The following INCENP variants were observed in gnomAD, a reference collection of about 807,000 sequenced individuals.
The protein encoded by INCENP is inner centromere protein.
Under a neutral mutation model 107.3 loss-of-function variants are expected in INCENP, and 43 were observed. The ratio of observed to expected loss-of-function variants is 0.40; its 90% CI spans 0.31 to 0.52. INCENP has a LOEUF of 0.52. Ranked by LOEUF, INCENP falls within the 20% of genes least tolerant of loss-of-function variation. The probability of loss-of-function intolerance (pLI) is 0.53; values close to 1 mark genes in which losing one functional copy is unlikely to be tolerated. For missense variants in INCENP, 1,089 were observed against 1,250.9 expected (o/e 0.87, Z 1.95); for synonymous variants, 488 against 494.4 (o/e 0.99, Z 0.17).
intron 18 of INCENP, 77 bp downstream of exon 18, chr11:62,150,284 T>C: frequency 6.6e-7 from 1 of 1,511,102 alleles, no homozygotes; most frequent in African/African-American, 1.4e-5. Context: ...AAGTAGTGGG[T>C]TGGCTGCTGC....
rs1944206712 is a variant in INCENP, at chr11:62,144,982, G to A, written c.1606G>A (p.Glu536Lys). Residue 536 changes from glutamate (E) to lysine (K), a missense_variant and splice_region_variant, in exon 12 of 19, where the codon GAG (glutamate) becomes AAG (lysine). Coordinates refer to ENST00000394818, the MANE Select transcript of INCENP (RefSeq NM_001040694.2). ...TCTCCCTCGCTCCCCGCCACCCCAGGAGAAGGAGCGGCAGCGCCTGGAGAA... is the reference window on the plus strand; with the variant it reads ...TCTCCCTCGCTCCCCGCCACCCCAGAAGAAGGAGCGGCAGCGCCTGGAGAA... ...LRMDPKCSFV[E>K]KERQRLENLR... 6.3e-7 allele frequency: 1 copy of A among 1,594,322 alleles called. No homozygotes were observed. Among genetic ancestry groups the A allele is most frequent in the Admixed American group, 1.8e-5 (1 of 54,230 alleles).
rs1229175211 is a variant in INCENP at position 62,128,288 on chromosome 11, C to T, written c.127C>T (p.Arg43Cys). The T allele has an allele frequency of 2.5e-6, 4 of 1,613,916 alleles. No homozygotes were observed. The highest frequency in any genetic ancestry group is 3.3e-5 in the Admixed American group (2 of 60,002). ...WLEEIQEEAERMFTREFSKEP... is the reference protein window; with the variant it reads ...WLEEIQEEAECMFTREFSKEP... The stretch of plus-strand genomic sequence containing the variant: ...TGAGGAAATCCAAGAGGAGGCCGAG[C>T]GCATGTTCACCAGGTGAAGACGGGC... Residue 43 changes from arginine to cysteine, a missense_variant, in exon 2 of 19, where the codon CGC (arginine) becomes TGC (cysteine). Physicochemically the swap from Arg to Cys is radical, Grantham distance 180. Transcript: ENST00000394818.
intron 14 of INCENP, among the ~76,000 whole-genome samples, chr11:62,146,414 G>A (rs1188472872): frequency 2.0e-5 from 3 of 152,240 alleles, no homozygotes; most frequent in African/African-American, 7.2e-5. Context: ...CATAGCTAGC[G>A]AGTTTGGCTC....
intron 4 of INCENP, among the ~76,000 whole-genome samples, chr11:62,131,532 A>G (rs558676006): frequency 3.0e-4 from 46 of 152,280 alleles, no homozygotes; most frequent in African/African-American, 7.7e-4. Context: ...TGGAAAAAAA[A>G]TGCGGGGATA....
At chr11:62,145,395 T>C in intron 13 of INCENP, 106 bp downstream of exon 13, 2 of 1,509,554 alleles carry the variant, frequency 1.3e-6, no homozygotes, top group Admixed American at 2.0e-5. Flanking sequence ...CCTGTACCCA[T>C]CTCCTGTCTG....
In INCENP at chr11:62,140,134, GC is replaced by G; in HGVS notation, c.1292-98del. ...TGCCAGGAAGGGAGCCTTGCCCACT[GC>G]CAAGGCTGCTGCCCAAGGACCCCTT... is the stretch of plus-strand genomic sequence containing the variant. On this transcript the variant is annotated intron_variant, in intron 7 of 18. Coordinates refer to ENST00000394818, the MANE Select transcript of INCENP (RefSeq NM_001040694.2). 3.9e-6 allele frequency: 4 copies of G among 1,018,402 alleles called. No homozygotes were observed. In the South Asian group the frequency reaches 4.0e-5, roughly 10 times the overall value. 63.1% of individuals were successfully genotyped at this position (1,018,402 alleles called of 1,614,324 possible).
At chr11:62,127,875 G>A (rs1294102306) in intron 1 of INCENP, among the ~76,000 whole-genome samples, 1 of 152,132 alleles carries the variant, frequency 6.6e-6, no homozygotes, top group Non-Finnish European at 1.5e-5. Context: ...GTTGGGAACT[G>A]TGGACTTATG....
In INCENP at chr11:62,130,118, C is replaced by A. The variant is rs145922935; in HGVS notation, c.591C>A (p.Ser197=). ...CCGAGCCTCTGCCCCGCACTCTGTCCCCGACTCCAGCTTCAGCCACAGCTC... is the reference window on the plus strand; with the variant it reads ...CCGAGCCTCTGCCCCGCACTCTGTCACCGACTCCAGCTTCAGCCACAGCTC... The part of the protein sequence containing the change: ...MSTEPLPRTL[S]PTPASATAPT... The change falls in exon 4 of 19, where the codon TCC becomes TCA. Residue 197 remains serine (S), a synonymous_variant. Transcript: ENST00000394818. 6.2e-7 allele frequency: 1 copy of A among 1,613,556 alleles called. No individual in the cohort carries two copies. The highest frequency in any genetic ancestry group is 1.3e-5 in the African/African-American group (1 of 74,876).
At chr11:62,144,843 G>A in intron 11 of INCENP, 139 bp from the exon 12 acceptor site, 1 of 825,332 alleles carries the variant, frequency 1.2e-6, no homozygotes. Flanking sequence ...GGCCACGTTG[G>A]GGATACCTCT....
chr11:62,150,350 T>C, intron 18 of INCENP, 143 bp downstream of exon 18: 4 of 813,972 alleles, frequency 4.9e-6, no homozygotes, highest in Non-Finnish European at 7.7e-6. Flanking sequence ...TAGCCTTGGG[T>C]ATGCATGTGC....
chr11:62,128,075 G>A (rs1180110396), intron 1 of INCENP, 76 bp from the exon 2 acceptor site: 49 of 1,481,040 alleles, frequency 3.3e-5, no homozygotes, highest in Non-Finnish European at 4.6e-5. Flanking sequence ...GGTCAGGTGG[G>A]TATTGCAGCT....
chr11:62,138,106 A>T, intron 5 of INCENP: 1 of 594,318 alleles, frequency 1.7e-6, no homozygotes, highest in Non-Finnish European at 3.0e-6. Flanking sequence ...TTGCCTGGCT[A>T]GACCTGACCC....
rs146595346 is a variant in INCENP, at chr11:62,129,832, G to T, written c.305G>T (p.Arg102Leu). The T allele has an allele frequency of 1.2e-6, 2 of 1,611,936 alleles. No homozygotes were observed. Among genetic ancestry groups the T allele is most frequent in the Non-Finnish European group, 1.7e-6 (2 of 1,179,878 alleles). Reference protein sequence around the residue: ...RSSQLSSRRLRSKDSVEKLAT... With the variant: ...RSSQLSSRRLLSKDSVEKLAT... ...AGCCAGCTGAGCTCCCGACGCCTCCGCAGCAAGGACAGTGTAGAGAAGCTG... is the reference window on the plus strand; with the variant it reads ...AGCCAGCTGAGCTCCCGACGCCTCCTCAGCAAGGACAGTGTAGAGAAGCTG... The change falls in exon 4 of 19, where the codon CGC (arginine) becomes CTC (leucine). Residue 102 changes from arginine (R) to leucine (L), a missense_variant. Arg to Leu is a moderately radical substitution (Grantham distance 102). Coordinates refer to ENST00000394818, the MANE Select transcript of INCENP (RefSeq NM_001040694.2).
At position 62,146,865 on chromosome 11, in the gene INCENP, G is replaced by A. The variant is rs1356025444; in HGVS notation, c.2167G>A (p.Glu723Lys). The change falls in exon 15 of 19, where the codon GAG (glutamate) becomes AAG (lysine). Residue 723 changes from glutamate to lysine, a missense_variant. Glu to Lys is a moderately conservative substitution (Grantham distance 56, BLOSUM62 1). Transcript: ENST00000394818. ...REQERQLAEQ[E>K]RRREQERLQA... is the part of the protein sequence containing the mutation. Reference sequence around the variant, plus strand: ...GCAGGAGCGACAGCTGGCAGAGCAGGAGCGTCGGCGGGAGCAGGAGCGGCT... The same window carrying A: ...GCAGGAGCGACAGCTGGCAGAGCAGAAGCGTCGGCGGGAGCAGGAGCGGCT... 1.3e-6 allele frequency: 2 copies of A among 1,589,626 alleles called. No individual in the cohort carries two copies. The highest frequency in any genetic ancestry group is 1.1e-5 in the South Asian group (1 of 88,628).
At chr11:62,142,483 A>G (rs1348809445) in intron 11 of INCENP, among the ~76,000 whole-genome samples, 1 of 152,232 alleles carries the variant, frequency 6.6e-6, no homozygotes, top group Non-Finnish European at 1.5e-5. Context: ...TGGGGATCCC[A>G]GGTCCCTGCA....
At chr11:62,128,524 T>C (rs980653235) in intron 2 of INCENP, among the ~76,000 whole-genome samples, 1 of 152,252 alleles carries the variant, frequency 6.6e-6, no homozygotes, top group Non-Finnish European at 1.5e-5. Flanking sequence ...CCATCGTTGC[T>C]GGCTGGGCCT....
rs1346206832 is a variant in INCENP, at chr11:62,129,689, A to G, written c.255-93A>G. 6 of 1,061,888 alleles carry G rather than the reference A, an allele frequency of 5.7e-6. No homozygotes were observed. The South Asian group carries it at 6.3e-5, about 11-fold the overall frequency. The allele number at this position is 1,061,888 out of a possible 1,614,324, so 65.8% of individuals were successfully genotyped here. On this transcript the variant is annotated intron_variant, in intron 3 of 18. Transcript: ENST00000394818. ...AGATCTTTTGCCTTCACCTTCTCTT[A>G]TCATACTCTATCCAAGCTGGTGGCT...
rs573921462 is a variant in INCENP, at chr11:62,146,530, C to T, written c.1960-128C>T. ...GAGCCTTGCTCGGGATGTCCCACGG[C>T]GCCATTCCTGGGTTGTCCGTGGTGG... On this transcript the variant is annotated intron_variant, in intron 14 of 18. Coordinates refer to ENST00000394818, the MANE Select transcript of INCENP (RefSeq NM_001040694.2). 5.5e-5 allele frequency: 76 copies of T among 1,375,948 alleles called. No homozygotes were observed. In the East Asian group the frequency reaches 1.1e-3, roughly 19 times the overall value. 85.2% of individuals were successfully genotyped at this position (1,375,948 alleles called of 1,614,324 possible).
chr11:62,139,025 C>T lies in INCENP; in HGVS notation c.1291+20C>T, dbSNP rs750350078. 6 of 1,553,662 alleles carry T rather than the reference C, an allele frequency of 3.9e-6. No homozygotes were observed. Among genetic ancestry groups the T allele is most frequent in the East Asian group, 2.2e-5 (1 of 44,618 alleles). Reference sequence around the variant, plus strand: ...AGCAAGGTGAGGCTTCCTGACCTGCCGTGTGCAGTGCCCGGAGCCACAGCG... The same window carrying T: ...AGCAAGGTGAGGCTTCCTGACCTGCTGTGTGCAGTGCCCGGAGCCACAGCG... On this transcript the variant is annotated intron_variant, in intron 7 of 18. Coordinates refer to ENST00000394818, the MANE Select transcript of INCENP (RefSeq NM_001040694.2).
Sources: allele counts gnomAD v4.1 joint callset (sites outside exome capture counted in the v4.1 genomes callset), GRCh38; gene constraint gnomAD v4.1.1; transcripts MANE v1.5; gene names NCBI Gene and HGNC (gene_info 2026-07-23, HGNC 2026-07-21).